Variants in CNTNAP5 observed in about 807,000 individuals in gnomAD.
CNTNAP5 encodes contactin-associated protein-like 5.
Under a neutral mutation model 150.2 loss-of-function variants are expected in CNTNAP5, and 72 were observed. That is an observed-to-expected ratio of 0.48 (90% CI 0.40 to 0.58). CNTNAP5 has a LOEUF of 0.58. Ranked by LOEUF, CNTNAP5 falls within the 20% of genes least tolerant of loss-of-function variation. CNTNAP5 has a pLI of 0.00. For synonymous variants in CNTNAP5, 672 were observed against 619.8 expected (o/e 1.08, Z -1.25); for missense variants, 1,636 against 1,626.2 (o/e 1.01, Z -0.10).
At chr2:124,902,202 T>C (rs1228890822) in intron 21 of CNTNAP5, among the ~76,000 whole-genome samples, 1 of 152,166 alleles carries the variant, frequency 6.6e-6, no homozygotes, top group Non-Finnish European at 1.5e-5. Context: ...CATTTGATCT[T>C]GCTATGAATC....
At chr2:124,675,634 T>A (rs1423733523) in intron 13 of CNTNAP5, among the ~76,000 whole-genome samples, 1 of 152,144 alleles carries the variant, frequency 6.6e-6, no homozygotes, top group Non-Finnish European at 1.5e-5. Context: ...CAACATATTT[T>A]ATTTCTTCTT....
intron 3 of CNTNAP5, among the ~76,000 whole-genome samples, chr2:124,390,474 A>C (rs1262210647): frequency 3.3e-5 from 5 of 152,198 alleles, no homozygotes. Context: ...CAATCTGATA[A>C]ATATTATTAT....
At chr2:124,365,144 C>G (rs1009980650) in intron 3 of CNTNAP5, among the ~76,000 whole-genome samples, 6 of 151,918 alleles carry the variant, frequency 3.9e-5, no homozygotes, top group Non-Finnish European at 8.8e-5. Context: ...GACCTCATCT[C>G]TACAAAAATA....
rs570948455 is a variant in CNTNAP5 at position 124,052,711 on chromosome 2, G to A, written c.82+26979G>A. On this transcript the variant is annotated intron_variant, in intron 1 of 23. Transcript: ENST00000682447. The stretch of plus-strand genomic sequence containing the variant: ...CTATATAAAATGGATACCTGTGCGC[G>A]TCTCTCCTCTCATGCAGCAAATAAG... Among the ~76,000 whole-genome samples, 20 of 152,268 alleles carry A rather than the reference G, an allele frequency of 1.3e-4. No homozygotes were observed. In the South Asian group the frequency reaches 2.7e-3, roughly 21 times the overall value.
At chr2:124,119,867 A>G (rs1289516327) in intron 1 of CNTNAP5, among the ~76,000 whole-genome samples, 1 of 152,232 alleles carries the variant, frequency 6.6e-6, no homozygotes. Flanking sequence ...GGCTCTTTAC[A>G]TCAGGGAATA....
chr2:124,296,676 T>C (rs772662899), intron 3 of CNTNAP5, among the ~76,000 whole-genome samples: 2 of 152,170 alleles, frequency 1.3e-5, no homozygotes, highest in Non-Finnish European at 2.9e-5. Flanking sequence ...TTTCATAAAG[T>C]CGGCATGTGG....
At chr2:124,463,324 C>T (rs1187934597) in intron 6 of CNTNAP5, among the ~76,000 whole-genome samples, 2 of 152,138 alleles carry the variant, frequency 1.3e-5, no homozygotes, top group African/African-American at 2.4e-5. Flanking sequence ...CAGCAGCTGA[C>T]GTCTGTCAGT....
chr2:124,264,399 C>A (rs866531880), intron 3 of CNTNAP5, among the ~76,000 whole-genome samples: 7 of 100,128 alleles, frequency 7.0e-5, no homozygotes, highest in Non-Finnish European at 1.8e-4. Flanking sequence ...TACACACACA[C>A]ACACACACAC....
rs564037729 is a variant in CNTNAP5 at position 124,712,447 on chromosome 2, G to A, written c.2078-34782G>A. On this transcript the variant is annotated intron_variant, in intron 13 of 23. Coordinates refer to ENST00000682447, the MANE Select transcript of CNTNAP5 (RefSeq NM_001367498.1). ...GACTCATATCCAAGCTGCCTGATTTGGAGCTCTGCTCTTGCCCACTGATGT... is the reference window on the plus strand; with the variant it reads ...GACTCATATCCAAGCTGCCTGATTTAGAGCTCTGCTCTTGCCCACTGATGT... Among the ~76,000 whole-genome samples the A allele has an allele frequency of 2.0e-5, 3 of 152,310 alleles. No homozygotes were observed. The South Asian group carries it at 6.2e-4, about 32-fold the overall frequency.
intron 13 of CNTNAP5, among the ~76,000 whole-genome samples, chr2:124,664,387 A>G (rs1414886754): frequency 6.6e-6 from 1 of 152,134 alleles, no homozygotes; most frequent in East Asian, 1.9e-4. Flanking sequence ...ACAAGGTAAA[A>G]ACAAACAAAA....
intron 1 of CNTNAP5, among the ~76,000 whole-genome samples, chr2:124,041,947 C>T (rs1681384205): frequency 6.6e-6 from 1 of 152,086 alleles, no homozygotes; most frequent in African/African-American, 2.4e-5. Context: ...CTGCAACCAC[C>T]ATCTCCTGGG....
intron 3 of CNTNAP5, among the ~76,000 whole-genome samples, chr2:124,360,878 C>T (rs1690178085): frequency 7.1e-6 from 1 of 141,214 alleles, no homozygotes; most frequent in African/African-American, 2.7e-5. Context: ...TGGGGAAGTT[C>T]TCCTGGATAA....
chr2:124,085,609 G>A lies in CNTNAP5; in HGVS notation c.82+59877G>A, dbSNP rs116920484. Among the ~76,000 whole-genome samples, 10 of 152,112 alleles carry A rather than the reference G, an allele frequency of 6.6e-5. No homozygotes were observed. The East Asian group carries it at 1.9e-3, about 29-fold the overall frequency. On this transcript the variant is annotated intron_variant, in intron 1 of 23. Transcript: ENST00000682447. ...TCTTGAGCTTGCAGCTTGGATGATT[G>A]ACTTGAACTCTTTTCTAGTGCATGC...
chr2:124,550,210 G>T (rs1472631907), intron 10 of CNTNAP5, among the ~76,000 whole-genome samples: 1 of 152,024 alleles, frequency 6.6e-6, no homozygotes, highest in African/African-American at 2.4e-5. Flanking sequence ...TCACAAGAGA[G>T]CCCAAAACAA....
chr2:124,762,008 T>A (rs2421263), intron 14 of CNTNAP5, among the ~76,000 whole-genome samples: 149,042 of 152,168 alleles, frequency 0.98, 73,064 homozygotes, highest in East Asian at 1. Context: ...ACAATTCTAT[T>A]GCAGTACAGA....
chr2:124,534,175 C>T (rs1695177368), intron 10 of CNTNAP5, among the ~76,000 whole-genome samples: 1 of 152,000 alleles, frequency 6.6e-6, no homozygotes, highest in African/African-American at 2.4e-5. Flanking sequence ...GGGAGTTGGA[C>T]TGGGGTGGAT....
At chr2:124,317,813 C>T (rs1356155215) in intron 3 of CNTNAP5, among the ~76,000 whole-genome samples, 1 of 152,058 alleles carries the variant, frequency 6.6e-6, no homozygotes, top group Non-Finnish European at 1.5e-5. Flanking sequence ...CACGTAGGTG[C>T]ACCCTTAAAG....
chr2:124,831,710 T>C (rs1682720302), intron 19 of CNTNAP5, among the ~76,000 whole-genome samples: 4 of 151,436 alleles, frequency 2.6e-5, no homozygotes, highest in Admixed American at 2.6e-4. Flanking sequence ...TTTCTCTCAA[T>C]TGAAAATGAC....
chr2:124,821,003 G>A (rs192736008), intron 19 of CNTNAP5, among the ~76,000 whole-genome samples: 1 of 152,344 alleles, frequency 6.6e-6, no homozygotes, highest in East Asian at 1.9e-4. Context: ...TGTGCTCACA[G>A]GCTCTTTGTC....
Sources: gnomAD v4.1 joint callset for allele counts (sites outside exome capture counted in the v4.1 genomes callset) on GRCh38, gnomAD v4.1.1 for gene constraint, MANE v1.5 for transcripts, NCBI Gene and HGNC (gene_info 2026-07-23, HGNC 2026-07-21) for gene names.